The following RYR1 variants were observed in gnomAD, a reference collection of about 807,000 sequenced individuals.
The protein encoded by RYR1 is central core disease of muscle.
In RYR1, 342 loss-of-function variants were observed where a neutral mutation model predicts 583.5. The ratio of observed to expected loss-of-function variants is 0.59; its 90% CI spans 0.54 to 0.64. The LOEUF (loss-of-function observed/expected upper bound fraction) is 0.64, where lower values mean the gene tolerates loss of function less well. Ranked by LOEUF, RYR1 falls within the 30% of genes least tolerant of loss-of-function variation. The pLI, the probability that RYR1 is intolerant of heterozygous loss-of-function variation, is 0.00. For synonymous variants in RYR1, 2,791 were observed against 2,822.5 expected (o/e 0.99, Z 0.35); for missense variants, 6,032 against 6,917.2 (o/e 0.87, Z 4.54).
intron 11 of RYR1, among the ~76,000 whole-genome samples, chr19:38,449,862 T>C (rs1301178392): frequency 6.6e-6 from 1 of 152,128 alleles, no homozygotes; most frequent in Non-Finnish European, 1.5e-5. Context: ...TGTGAGGCCT[T>C]GTGGGCCATG....
intron 11 of RYR1, among the ~76,000 whole-genome samples, chr19:38,450,591 A>G (rs1014183811): frequency 5.3e-5 from 8 of 152,140 alleles, no homozygotes; most frequent in African/African-American, 1.9e-4. Flanking sequence ...GGGGCTTTAC[A>G]GATGAGCTGG....
At chr19:38,552,705 G>A (rs1972715679) in intron 89 of RYR1, among the ~76,000 whole-genome samples, 1 of 152,200 alleles carries the variant, frequency 6.6e-6, no homozygotes, top group Admixed American at 6.5e-5. Context: ...AGATTCATCT[G>A]TTAATCTGGT....
In RYR1 at chr19:38,515,038, A is replaced by G. The variant is rs1239511308; in HGVS notation, c.9485A>G (p.Gln3162Arg). Reference protein sequence around the residue: ...FGDDVILDDVQVSCYRTLCSI... With the variant: ...FGDDVILDDVRVSCYRTLCSI... Reference sequence around the variant, plus strand: ...CTGTCTCCCTCAGTGGACGACGTCCAGGTCTCTTGCTACCGAACGCTGTGC... The same window carrying G: ...CTGTCTCCCTCAGTGGACGACGTCCGGGTCTCTTGCTACCGAACGCTGTGC... The change falls in exon 64 of 106, where the codon CAG becomes CGG. Residue 3162 changes from glutamine (Q) to arginine (R), a missense_variant. Coordinates refer to ENST00000359596, the MANE Select transcript of RYR1 (RefSeq NM_000540.3). 6.2e-7 allele frequency: 1 copy of G among 1,611,662 alleles called. No homozygotes were observed. The highest frequency in any genetic ancestry group is 1.3e-5 in the African/African-American group (1 of 74,750).
chr19:38,466,456 C>T (rs1968113396), intron 24 of RYR1, 58 bp downstream of exon 24: 14 of 1,494,662 alleles, frequency 9.4e-6, no homozygotes, highest in Admixed American at 2.0e-5. Context: ...ACCCCAGCCC[C>T]GATCCCTGAT....
In RYR1 at chr19:38,578,156, C is replaced by T. The variant is rs201838999; in HGVS notation, c.14316C>T (p.Ile4772=). 2.5e-6 allele frequency: 4 copies of T among 1,613,600 alleles called. No homozygotes were observed. The highest frequency in any genetic ancestry group is 2.2e-5 in the East Asian group (1 of 44,860). Residue 4772 remains isoleucine (I), a synonymous_variant, in exon 99 of 106, where the codon ATC becomes ATT. Coordinates refer to ENST00000359596, the MANE Select transcript of RYR1 (RefSeq NM_000540.3). The part of the protein sequence containing the change: ...PPGLLTWLMS[I]DVKYQIWKFG... ...CCCGCCCCCACAGGCTCATGTCCATCGATGTCAAGTACCAGATCTGGAAGT... is the reference window on the plus strand; with the variant it reads ...CCCGCCCCCACAGGCTCATGTCCATTGATGTCAAGTACCAGATCTGGAAGT...
At chr19:38,534,969 A>C in intron 79 of RYR1, 150 bp downstream of exon 79, 1 of 1,084,990 alleles carries the variant, frequency 9.2e-7, no homozygotes, top group East Asian at 2.6e-5. Context: ...CCCCTTGTAT[A>C]CCTGCCTTGC....
At position 38,452,766 on chromosome 19, in the gene RYR1, G is replaced by T. The variant is rs114001930; in HGVS notation, c.1245-53G>T. On this transcript the variant is annotated intron_variant, in intron 12 of 105. Transcript: ENST00000359596. The stretch of plus-strand genomic sequence containing the variant: ...GCGGGAGTGAGGTTGCGGCAGTGAC[G>T]TTGCGGCAGTTAGCGCTCCCAGCCG... 1.4e-3 allele frequency: 2,172 copies of T among 1,505,886 alleles called. 29 individuals carry two copies. In the African/African-American group the frequency reaches 0.027, roughly 19 times the overall value. 93.3% of individuals were successfully genotyped at this position (1,505,886 alleles called of 1,614,324 possible). A position where few individuals can be genotyped will look rare whatever the true frequency, so the allele number is the denominator to read the frequency against.
In RYR1 at chr19:38,492,480, C is replaced by T. The variant is rs1969595144; in HGVS notation, c.6128-10C>T. ...TGAATGACATTTCCCGCCTTCTTGA[C>T]CACTTCCAGGAATTCAGCTAGATGG... On this transcript the variant is annotated splice_polypyrimidine_tract_variant and intron_variant, in intron 37 of 105. Transcript: ENST00000359596. The T allele has an allele frequency of 6.2e-7, 1 of 1,613,984 alleles. No homozygotes were observed. The highest frequency in any genetic ancestry group is 8.5e-7 in the Non-Finnish European group (1 of 1,179,976).
intron 30 of RYR1, 55 bp downstream of exon 30, chr19:38,477,925 C>T (rs1200099229): frequency 2.0e-6 from 3 of 1,537,560 alleles, no homozygotes; most frequent in Non-Finnish European, 2.7e-6. Context: ...AGGAGGCAGT[C>T]AGAGCTCCCG....
intron 35 of RYR1, 39 bp from the exon 36 acceptor site, chr19:38,490,037 C>T (rs781044144): frequency 5.0e-6 from 8 of 1,599,618 alleles, no homozygotes; most frequent in Non-Finnish European, 6.8e-6. Flanking sequence ...CTGATGGTCT[C>T]ACCTCCATCT....
rs1131691497 is a variant in RYR1 at position 38,483,299 on chromosome 19, C to T, written c.4717C>T (p.Pro1573Ser). ...FELGKQKNIM[P>S]LSAAMFQSER... is the part of the protein sequence containing the mutation. The stretch of plus-strand genomic sequence containing the variant: ...GTCTCTCTGCCCTCAGAACATCATG[C>T]CGTTGTCAGCCGCCATGTTCCAAAG... The change falls in exon 33 of 106, where the codon CCG (proline) becomes TCG (serine). Residue 1573 changes from proline (P) to serine (S), a missense_variant. This residue lies in a region of RYR1 where 2,627 missense variants were observed against 2,961.3 expected (regional missense o/e 0.89). Coordinates refer to ENST00000359596, the MANE Select transcript of RYR1 (RefSeq NM_000540.3). This position sits in a 1 kb window ranked among gnomAD's most constrained non-coding sequence, Gnocchi z 6.3. 2 of 1,558,824 alleles carry T rather than the reference C, an allele frequency of 1.3e-6. No homozygotes were observed. Among genetic ancestry groups the T allele is most frequent in the Non-Finnish European group, 1.7e-6 (2 of 1,151,674 alleles).
At position 38,502,902 on chromosome 19, in the gene RYR1, C is replaced by T. The variant is rs1365856881; in HGVS notation, c.7858C>T (p.Gln2620Ter). The stretch of plus-strand genomic sequence containing the variant: ...CAGGTACATCCGCCCGTCGATGCTG[C>T]AGCACCTGTTGCGCCGCCTGGTGTT... ...LCRYIRPSML[Q>*]HLLRRLVFDV... Residue 2620 changes from glutamine to a stop codon, truncating the protein, a stop_gained, in exon 49 of 106, where the codon CAG (glutamine) becomes TAG (stop). Transcript: ENST00000359596. LOFTEE classifies it high-confidence loss of function. 12 of 1,611,690 alleles carry T rather than the reference C, an allele frequency of 7.4e-6. No individual in the cohort carries two copies. Among genetic ancestry groups the T allele is most frequent in the South Asian group, 2.2e-5 (2 of 91,076 alleles).
In RYR1 at chr19:38,506,839, C is replaced by T. The variant is rs148311475; in HGVS notation, c.8703C>T (p.Thr2901=). Residue 2901 remains threonine, a synonymous_variant, in exon 57 of 106, where the codon ACC becomes ACT. Coordinates refer to ENST00000359596, the MANE Select transcript of RYR1 (RefSeq NM_000540.3). ...KQELEAKGGG[T]HPLLVPYDTL... is the part of the protein sequence containing the mutation. ...TCTTTGCCTCCCCAGGCGGTGGGACCCACCCCCTGCTGGTCCCCTACGACA... is the reference window on the plus strand; with the variant it reads ...TCTTTGCCTCCCCAGGCGGTGGGACTCACCCCCTGCTGGTCCCCTACGACA... 6 of 1,613,944 alleles carry T rather than the reference C, an allele frequency of 3.7e-6. No homozygotes were observed. The highest frequency in any genetic ancestry group is 1.7e-5 in the Admixed American group (1 of 60,000).
Position 38,434,021 on chromosome 19 carries a change from G to T in RYR1, c.45+147G>T, listed in dbSNP as rs1188958949. ...TGTCACTTTGAGTGACTGTCACTCT[G>T]TCTTTTAGTCTCCTTCACCTTTCTC... On this transcript the variant is annotated intron_variant, in intron 1 of 105. Transcript: ENST00000359596. 5 of 785,242 alleles carry T rather than the reference G, an allele frequency of 6.4e-6. 1 individual carries two copies. In the East Asian group the frequency reaches 1.2e-4, roughly 19 times the overall value. 48.6% of individuals were successfully genotyped at this position (785,242 alleles called of 1,614,324 possible).
At chr19:38,497,669 A>G (rs1969908800) in intron 42 of RYR1, among the ~76,000 whole-genome samples, 1 of 152,202 alleles carries the variant, frequency 6.6e-6, no homozygotes, top group African/African-American at 2.4e-5. Flanking sequence ...CAGTAGCAAT[A>G]TGACAGTCAA....
chr19:38,581,226 C>T (rs1173088462), intron 101 of RYR1, among the ~76,000 whole-genome samples: 12 of 152,008 alleles, frequency 7.9e-5, no homozygotes, highest in Middle Eastern at 3.2e-3. Context: ...AACAGGCGCC[C>T]GCCACCACGC....
chr19:38,544,108 A>C (rs1461518469), intron 87 of RYR1, among the ~76,000 whole-genome samples: 1 of 151,552 alleles, frequency 6.6e-6, no homozygotes, highest in Non-Finnish European at 1.5e-5. Flanking sequence ...CCACGCTTCC[A>C]TTGGTCTGAC....
rs1470785062 is a variant in RYR1 at position 38,442,471 on chromosome 19, G to A, written c.270+18G>A. The A allele has an allele frequency of 6.3e-7, 1 of 1,584,612 alleles. No individual in the cohort carries two copies. Among genetic ancestry groups the A allele is most frequent in the Admixed American group, 1.7e-5 (1 of 59,954 alleles). ...GCGTGGAGGTGAGGACCCCACCTGG[G>A]GGTGGGCGGGGTGGCAGAGATGGGC... On this transcript the variant is annotated intron_variant, in intron 3 of 105. Coordinates refer to ENST00000359596, the MANE Select transcript of RYR1 (RefSeq NM_000540.3).
chr19:38,495,580 C>A lies in RYR1; in HGVS notation c.6549-635C>A, dbSNP rs570535723. Among the ~76,000 whole-genome samples the A allele has an allele frequency of 1.1e-4, 16 of 152,230 alleles. No homozygotes were observed. In the South Asian group the frequency reaches 3.1e-3, roughly 30 times the overall value. ...CAGGCTGGTCTTGGACTCCTGGGCT[C>A]AAGTGATCCTCCTGCCTTGGCCTCC... On this transcript the variant is annotated intron_variant, in intron 39 of 105. Coordinates refer to ENST00000359596, the MANE Select transcript of RYR1 (RefSeq NM_000540.3).
Sources: allele counts gnomAD v4.1 joint callset (sites outside exome capture counted in the v4.1 genomes callset), GRCh38; gene constraint gnomAD v4.1.1; regional missense constraint gnomAD v4.1.1; non-coding constraint Gnocchi (gnomAD v3.1); transcripts MANE v1.5; gene names NCBI Gene and HGNC (gene_info 2026-07-23, HGNC 2026-07-21).